Variants in EXOC6B observed in about 807,000 individuals in gnomAD.
EXOC6B encodes SEC15 homolog B.
In EXOC6B, 54 loss-of-function variants were observed where a neutral mutation model predicts 113.5. The ratio of observed to expected loss-of-function variants is 0.48; its 90% CI spans 0.38 to 0.60. EXOC6B has a LOEUF of 0.60. Among genes scored for constraint, EXOC6B ranks in the 20% least tolerant of loss-of-function variants. EXOC6B has a pLI of 0.00. For synonymous variants in EXOC6B, 357 were observed against 339.0 expected (o/e 1.05, Z -0.58); for missense variants, 797 against 977.5 (o/e 0.82, Z 2.46).
chr2:72,516,932 C>A (rs1701240717), intron 8 of EXOC6B, among the ~76,000 whole-genome samples: 1 of 152,100 alleles, frequency 6.6e-6, no homozygotes. Context: ...GTATAAATGC[C>A]ACGCAATACC....
rs575149038 is a variant in EXOC6B, at chr2:72,219,541, C to T, written c.2197-35354G>A. Among the ~76,000 whole-genome samples the T allele has an allele frequency of 1.6e-3, 246 of 152,208 alleles. 2 individuals are homozygous for T. The highest frequency in any genetic ancestry group is 5.8e-3 in the African/African-American group (239 of 41,540). ...TTCATTTTTTCTCCTCCTAGCATTC[C>T]TCACTCTTTAAATATTTAGTTTATT... On this transcript the variant is annotated intron_variant, in intron 20 of 21. Coordinates refer to ENST00000272427, the MANE Select transcript of EXOC6B (RefSeq NM_015189.3).
chr2:72,388,574 T>C (rs868510733), intron 18 of EXOC6B, among the ~76,000 whole-genome samples: 2 of 152,272 alleles, frequency 1.3e-5, no homozygotes, highest in East Asian at 1.9e-4. Context: ...TGTATGATAA[T>C]TGTTGTTCAA....
At chr2:72,183,108 G>C (rs1202706881) in intron 21 of EXOC6B, among the ~76,000 whole-genome samples, 6 of 152,186 alleles carry the variant, frequency 3.9e-5, no homozygotes, top group Middle Eastern at 6.8e-3. Flanking sequence ...AAGAAGGATA[G>C]ACTTTGACCT....
At chr2:72,454,135 C>T (rs1432841294) in intron 18 of EXOC6B, among the ~76,000 whole-genome samples, 1 of 152,166 alleles carries the variant, frequency 6.6e-6, no homozygotes, top group Non-Finnish European at 1.5e-5. Context: ...GGTGAGGACA[C>T]AGAGCCAAAC....
chr2:72,668,758 G>T (rs578055930), intron 6 of EXOC6B, among the ~76,000 whole-genome samples: 1 of 152,296 alleles, frequency 6.6e-6, no homozygotes, highest in South Asian at 2.1e-4. Context: ...AGACACTGGG[G>T]ACTACTAGAG....
chr2:72,728,033 T>A (rs1469756393), intron 5 of EXOC6B, among the ~76,000 whole-genome samples: 1 of 152,100 alleles, frequency 6.6e-6, no homozygotes, highest in Non-Finnish European at 1.5e-5. Context: ...GATCTATCAT[T>A]TCACAATCAC....
chr2:72,463,113 CCTTGCATTTCTGGAA>C (rs1290174398), intron 18 of EXOC6B: 2 of 152,014 alleles, frequency 1.3e-5, no homozygotes, highest in African/African-American at 4.8e-5. Context: ...ATCAAACCAT[CCTTGCATTTCTGGAA>C]TAAATCCTAC....
intron 6 of EXOC6B, among the ~76,000 whole-genome samples, chr2:72,668,148 T>C (rs1675530359): frequency 6.6e-6 from 1 of 152,076 alleles, no homozygotes; most frequent in Non-Finnish European, 1.5e-5. Context: ...GAAATGCAAA[T>C]CACACAACAT....
Position 72,455,859 on chromosome 2 carries a change from G to A in EXOC6B, c.1980+9301C>T, listed in dbSNP as rs145460116. Among the ~76,000 whole-genome samples the A allele has an allele frequency of 4.0e-3, 602 of 152,136 alleles. 4 individuals are homozygous for A. The highest frequency in any genetic ancestry group is 7.1e-3 in the Non-Finnish European group (484 of 67,954). ...AAAAAGAGAGAAACAGAGAGGGAGA[G>A]GACACTTTGTACAGTACCTGGTATA... On this transcript the variant is annotated intron_variant, in intron 18 of 21. Transcript: ENST00000272427.
Position 72,256,223 on chromosome 2 carries a change from G to A in EXOC6B, c.2197-72036C>T, listed in dbSNP as rs192647668. Reference sequence around the variant, plus strand: ...GATTCTCCCTTAGAGGATTTGGAGGGAGCACAGCCTTTCTGATATCTTGAC... The same window carrying A: ...GATTCTCCCTTAGAGGATTTGGAGGAAGCACAGCCTTTCTGATATCTTGAC... On this transcript the variant is annotated intron_variant, in intron 20 of 21. Transcript: ENST00000272427. 7.9e-5 allele frequency among the ~76,000 whole-genome samples: 12 copies of A among 152,316 alleles called. No individual in the cohort carries two copies. The East Asian group carries it at 2.3e-3, about 29-fold the overall frequency.
intron 1 of EXOC6B, among the ~76,000 whole-genome samples, chr2:72,804,641 G>C (rs1685479939): frequency 6.6e-6 from 1 of 151,620 alleles, no homozygotes; most frequent in African/African-American, 2.4e-5. Flanking sequence ...TGTCACCCAG[G>C]CTGGAGTACA....
intron 18 of EXOC6B, among the ~76,000 whole-genome samples, chr2:72,388,367 C>G (rs1037593927): frequency 6.6e-6 from 1 of 151,986 alleles, no homozygotes; most frequent in Non-Finnish European, 1.5e-5. Flanking sequence ...TGGAATATAT[C>G]TGTTATAGAT....
chr2:72,726,833 T>A (rs896822642), intron 5 of EXOC6B, among the ~76,000 whole-genome samples: 10 of 152,166 alleles, frequency 6.6e-5, no homozygotes, highest in Non-Finnish European at 1.5e-4. Flanking sequence ...CCTTCATATT[T>A]GCAGGTTCCA....
intron 1 of EXOC6B, among the ~76,000 whole-genome samples, chr2:72,774,186 A>T (rs1269287996): frequency 1.3e-5 from 2 of 152,210 alleles, no homozygotes; most frequent in Non-Finnish European, 2.9e-5. Context: ...CAGTCTTACA[A>T]GAAATGTTTG....
At chr2:72,393,749 T>C (rs1692540397) in intron 18 of EXOC6B, among the ~76,000 whole-genome samples, 1 of 152,288 alleles carries the variant, frequency 6.6e-6, no homozygotes, top group South Asian at 2.1e-4. Context: ...ATTTACAAAA[T>C]GCTTATATAT....
At chr2:72,286,350 T>C (rs1232058059) in intron 20 of EXOC6B, among the ~76,000 whole-genome samples, 2 of 152,106 alleles carry the variant, frequency 1.3e-5, no homozygotes, top group Non-Finnish European at 2.9e-5. Context: ...TGAAAAATTA[T>C]GGAGGAAACT....
chr2:72,605,075 G>A (rs1670666352), intron 6 of EXOC6B, among the ~76,000 whole-genome samples: 3 of 151,974 alleles, frequency 2.0e-5, no homozygotes, highest in Admixed American at 6.6e-5. Context: ...ATGAGGTCGG[G>A]AGTTCAAGAT....
rs1244232213 is a variant in EXOC6B at position 72,522,595 on chromosome 2, CT to C, written c.916-7470del. Among the ~76,000 whole-genome samples the C allele has an allele frequency of 9.9e-5, 15 of 152,098 alleles. No individual in the cohort carries two copies. The East Asian group carries it at 2.9e-3, about 29-fold the overall frequency. Reference sequence around the variant, plus strand: ...TAATGCTTACTTTTTGATGTACTCCCTATTCGATATATTTTCTCAGATCTCG... The same window carrying C: ...TAATGCTTACTTTTTGATGTACTCCCATTCGATATATTTTCTCAGATCTCG... On this transcript the variant is annotated intron_variant, in intron 8 of 21. Coordinates refer to ENST00000272427, the MANE Select transcript of EXOC6B (RefSeq NM_015189.3).
At chr2:72,307,273 G>A (rs187326116) in intron 20 of EXOC6B, among the ~76,000 whole-genome samples, 39 of 151,756 alleles carry the variant, frequency 2.6e-4, no homozygotes, top group Non-Finnish European at 3.7e-4. Context: ...CCGAGTTGCC[G>A]GGACTACAGG....
Sources: allele counts gnomAD v4.1 joint callset (sites outside exome capture counted in the v4.1 genomes callset), GRCh38; gene constraint gnomAD v4.1.1; transcripts MANE v1.5; gene names NCBI Gene and HGNC (gene_info 2026-07-23, HGNC 2026-07-21).